BCKDHA: variants seen among roughly 807,000 people sequenced by gnomAD.
The protein encoded by BCKDHA is branched chain keto acid dehydrogenase E1 subunit alpha, also known as 2-oxoisovalerate dehydrogenase subunit alpha, mitochondrial.
A neutral mutation model predicts 52.2 loss-of-function variants in BCKDHA; 43 were observed. The observed-to-expected ratio is 0.82, with a 90% CI of 0.64 to 1.06. BCKDHA has a LOEUF of 1.06. Among genes scored for constraint, BCKDHA ranks in the 50% least tolerant of loss-of-function variants. BCKDHA has a pLI of 0.00. For missense variants in BCKDHA, 527 were observed against 621.3 expected (o/e 0.85, Z 1.61); for synonymous variants, 234 against 247.9 (o/e 0.94, Z 0.53).
At chr19:41,419,043 G>C in intron 4 of BCKDHA, 92 bp from the exon 5 acceptor site, 1 of 1,484,976 alleles carries the variant, frequency 6.7e-7, no homozygotes. Flanking sequence ...GAGCTTTCCT[G>C]TCTGCCTGCC....
intron 1 of BCKDHA, among the ~76,000 whole-genome samples, chr19:41,406,937 A>G (rs910752764): frequency 6.6e-6 from 1 of 152,158 alleles, no homozygotes; most frequent in South Asian, 2.1e-4. Context: ...TATGTTGCCT[A>G]GGCTGATCTC....
chr19:41,422,460 T>C, intron 6 of BCKDHA, 90 bp downstream of exon 6: 2 of 1,581,626 alleles, frequency 1.3e-6, no homozygotes, highest in Non-Finnish European at 1.7e-6. Flanking sequence ...CTACCCTCCT[T>C]CCTGGTTCTC....
chr19:41,422,194 C>T lies in BCKDHA; in HGVS notation c.677C>T (p.Ala226Val). 6.2e-7 allele frequency: 1 copy of T among 1,614,066 alleles called. No homozygotes were observed. The highest frequency in any genetic ancestry group is 8.5e-7 in the Non-Finnish European group (1 of 1,179,998). The change falls in exon 6 of 9, where the codon GCC becomes GTC. Residue 226 changes from alanine (A) to valine (V), a missense_variant. Transcript: ENST00000269980. Reference protein sequence around the residue: ...AVGAAYAAKRANANRVVICYF... With the variant: ...AVGAAYAAKRVNANRVVICYF... ...GGGGCGGCGTACGCAGCCAAGCGGG[C>T]CAATGCCAACAGGGTCGTCATCTGT...
At chr19:41,403,459 T>G (rs1008339132) in intron 1 of BCKDHA, among the ~76,000 whole-genome samples, 2 of 152,196 alleles carry the variant, frequency 1.3e-5, no homozygotes, top group Non-Finnish European at 2.9e-5. Flanking sequence ...GTAAATAAAG[T>G]GCTTTGAGTG....
intron 1 of BCKDHA, among the ~76,000 whole-genome samples, chr19:41,402,886 C>G (rs2039152775): frequency 6.6e-6 from 1 of 152,112 alleles, no homozygotes; most frequent in Non-Finnish European, 1.5e-5. Context: ...ACTGATCCAC[C>G]CACCTCAGCC....
intron 5 of BCKDHA, among the ~76,000 whole-genome samples, chr19:41,420,868 A>G (rs983628427): frequency 3.9e-5 from 6 of 152,166 alleles, no homozygotes; most frequent in Admixed American, 3.9e-4. Flanking sequence ...AGAACAAGGA[A>G]TCGGAGCCCC....
chr19:41,412,400 C>CTTTTTTTTTTTTTTGTT (rs1555765814), intron 3 of BCKDHA, among the ~76,000 whole-genome samples: 1 of 58,124 alleles, frequency 1.7e-5, no homozygotes, highest in Non-Finnish European at 3.3e-5. Flanking sequence ...TTTTTTTTTA[C>CTTTTTTTTTTTTTTGTT]TTTTGAGATG....
At chr19:41,407,340 C>T (rs368500867) in intron 1 of BCKDHA, among the ~76,000 whole-genome samples, 1 of 152,216 alleles carries the variant, frequency 6.6e-6, no homozygotes, top group Non-Finnish European at 1.5e-5. Flanking sequence ...GGCAGTTGAA[C>T]TCCAGAGCCA....
chr19:41,401,663 C>G (rs1192644886), intron 1 of BCKDHA, among the ~76,000 whole-genome samples: 1 of 152,182 alleles, frequency 6.6e-6, no homozygotes, highest in Non-Finnish European at 1.5e-5. Flanking sequence ...GAAGGAAACT[C>G]AGATTGTCAA....
Position 41,410,699 on chromosome 19 carries a change from C to T in BCKDHA, c.171C>T (p.Ala57=), listed in dbSNP as rs2039242293. The change falls in exon 2 of 9, where the codon GCC becomes GCT. Residue 57 remains alanine, a synonymous_variant. Transcript: ENST00000269980. ...SLDDKPQFPG[A]SAEFIDKLEF... ...ATGACAAGCCCCAGTTCCCAGGGGC[C>T]TCGGCGGAGTTTATAGATAAGTTGG... The T allele has an allele frequency of 2.5e-6, 4 of 1,614,204 alleles. No individual in the cohort carries two copies. The East Asian group carries it at 6.7e-5, about 27-fold the overall frequency.
Position 41,422,311 on chromosome 19 carries a change from G to C in BCKDHA, c.794G>C (p.Arg265Pro), listed in dbSNP as rs761996996. The C allele has an allele frequency of 6.2e-6, 10 of 1,614,170 alleles. No homozygotes were observed. Among genetic ancestry groups the C allele is most frequent in the Non-Finnish European group, 8.5e-6 (10 of 1,180,020 alleles). The change falls in exon 6 of 9, where the codon CGG becomes CCG. Residue 265 changes from arginine to proline, a missense_variant. By Grantham distance (103) the Arg-to-Pro change is moderately radical. Coordinates refer to ENST00000269980, the MANE Select transcript of BCKDHA (RefSeq NM_000709.4). ...GAGTGCCCCATCATCTTCTTCTGCC[G>C]GAACAATGGCTACGCCATCTCCACG... ...TLECPIIFFCRNNGYAISTPT... is the reference protein window; with the variant it reads ...TLECPIIFFCPNNGYAISTPT...
intron 1 of BCKDHA, among the ~76,000 whole-genome samples, chr19:41,409,059 C>T (rs1020358755): frequency 2.0e-5 from 3 of 152,136 alleles, no homozygotes; most frequent in Admixed American, 2.0e-4. Context: ...AAGTGATTCT[C>T]CTGCCTCAGC....
rs2039408350 is a variant in BCKDHA at position 41,424,643 on chromosome 19, AC to A, written c.*39del. ...AGCCCACCCCCACCCATCCTCAGCTACCCCGAGAGGTAGCCCCACTCTAAGG... is the reference window on the plus strand; with the variant it reads ...AGCCCACCCCCACCCATCCTCAGCTACCCGAGAGGTAGCCCCACTCTAAGG... On this transcript the variant is annotated 3_prime_UTR_variant, in exon 9 of 9. Coordinates refer to ENST00000269980, the MANE Select transcript of BCKDHA (RefSeq NM_000709.4). 8 of 1,551,678 alleles carry A rather than the reference AC, an allele frequency of 5.2e-6. No homozygotes were observed. Among genetic ancestry groups the A allele is most frequent in the Admixed American group, 3.7e-5 (2 of 54,742 alleles).
At chr19:41,400,157 C>G (rs767295725) in intron 1 of BCKDHA, among the ~76,000 whole-genome samples, 22 of 152,058 alleles carry the variant, frequency 1.4e-4, no homozygotes, top group Non-Finnish European at 2.9e-4. Flanking sequence ...GCCTCAACCT[C>G]CTGGGCTCAA....
At chr19:41,399,357 C>T (rs2039111807) in intron 1 of BCKDHA, 1 of 109,912 alleles carries the variant, frequency 9.1e-6, no homozygotes, top group Non-Finnish European at 1.7e-5. Flanking sequence ...TTTTTTTGAG[C>T]AGTTCATATC....
rs772457864 is a variant in BCKDHA at position 41,422,315 on chromosome 19, C to T, written c.798C>T (p.Asn266=). ...LECPIIFFCR[N]NGYAISTPTS... ...GCCCCATCATCTTCTTCTGCCGGAA[C>T]AATGGCTACGCCATCTCCACGCCCA... Residue 266 remains asparagine (N), a synonymous_variant, in exon 6 of 9, where the codon AAC becomes AAT. Transcript: ENST00000269980. 7 of 1,614,220 alleles carry T rather than the reference C, an allele frequency of 4.3e-6. No homozygotes were observed. Among genetic ancestry groups the T allele is most frequent in the Non-Finnish European group, 5.9e-6 (7 of 1,180,026 alleles).
At chr19:41,416,303 C>T (rs2039307547) in intron 4 of BCKDHA, among the ~76,000 whole-genome samples, 1 of 152,178 alleles carries the variant, frequency 6.6e-6, no homozygotes, top group South Asian at 2.1e-4. Flanking sequence ...CCCCTCACTG[C>T]ACTGCAGAGC....
Position 41,422,674 on chromosome 19 carries a change from G to A in BCKDHA, c.899G>A (p.Gly300Asp), listed in dbSNP as rs781724398. 1 of 1,614,154 alleles carries A rather than the reference G, an allele frequency of 6.2e-7. No homozygotes were observed. The highest frequency in any genetic ancestry group is 1.7e-5 in the Admixed American group (1 of 60,026). Residue 300 changes from glycine to aspartate, a missense_variant, in exon 7 of 9, where the codon GGT becomes GAT. By Grantham distance (94) the Gly-to-Asp change is moderately conservative. Transcript: ENST00000269980. The part of the protein sequence containing the change: ...GYGIMSIRVD[G>D]NDVFAVYNAT... ...GGCATCATGTCAATCCGCGTGGATG[G>A]TAATGATGTGTTTGCCGTATACAAC... is the stretch of plus-strand genomic sequence containing the variant.
chr19:41,406,044 A>T (rs2039188867), intron 1 of BCKDHA, among the ~76,000 whole-genome samples: 1 of 152,054 alleles, frequency 6.6e-6, no homozygotes, highest in Non-Finnish European at 1.5e-5. Flanking sequence ...CACTCCCATT[A>T]TGGAGCATTT....
Sources: gnomAD v4.1 joint callset for allele counts (sites outside exome capture counted in the v4.1 genomes callset) on GRCh38, gnomAD v4.1.1 for gene constraint, MANE v1.5 for transcripts, NCBI Gene and HGNC (gene_info 2026-07-23, HGNC 2026-07-21) for gene names.